MYLK4: variants seen among roughly 807,000 people sequenced by gnomAD.
The protein encoded by MYLK4 is myosin light chain kinase family member 4.
A neutral mutation model predicts 48.1 loss-of-function variants in MYLK4; 46 were observed. That is an observed-to-expected ratio of 0.96 (90% CI 0.75 to 1.22). The LOEUF is 1.22. Ranked by LOEUF, MYLK4 falls within the 50% of genes most tolerant of loss-of-function variation. The pLI is 0.00. For synonymous variants in MYLK4, 170 were observed against 180.8 expected (o/e 0.94, Z 0.48); for missense variants, 451 against 486.1 (o/e 0.93, Z 0.68).
chr6:2,760,932 A>C, the MYLK4 span, among the ~76,000 whole-genome samples: 1 of 152,218 alleles, frequency 6.6e-6, no homozygotes, highest in Non-Finnish European at 1.5e-5. Context: ...TAATCAGAGT[A>C]GGAAGAATAG....
chr6:2,756,682 C>T, the MYLK4 span, among the ~76,000 whole-genome samples: 1 of 152,194 alleles, frequency 6.6e-6, no homozygotes, highest in African/African-American at 2.4e-5. Flanking sequence ...CCCCCTCCCA[C>T]TGATACTTTA....
chr6:2,760,297 G>A, the MYLK4 span, among the ~76,000 whole-genome samples: 1 of 152,200 alleles, frequency 6.6e-6, no homozygotes, highest in Admixed American at 6.5e-5. Flanking sequence ...AGACACATGG[G>A]TGAGGGGCAG....
At chr6:2,687,729 A>G (rs1761613900) in intron 4 of MYLK4, among the ~76,000 whole-genome samples, 1 of 152,192 alleles carries the variant, frequency 6.6e-6, no homozygotes, top group African/African-American at 2.4e-5. Flanking sequence ...CAGGGCAAAG[A>G]AATACGGAGT....
chr6:2,735,750 C>A (rs1763648042), intron 2 of MYLK4, among the ~76,000 whole-genome samples: 1 of 152,132 alleles, frequency 6.6e-6, no homozygotes, highest in Non-Finnish European at 1.5e-5. Context: ...AAATTAGAAT[C>A]AACTGTGGTG....
At chr6:2,743,855 G>T in intron 2 of MYLK4, 1 of 398,282 alleles carries the variant, frequency 2.5e-6, no homozygotes, top group South Asian at 1.3e-4. Context: ...GGAAACATTC[G>T]AACAAAATGA....
rs1324141347 is a variant in MYLK4 at position 2,673,425 on chromosome 6, G to A, written c.1119+1622C>T. 6.6e-6 allele frequency among the ~76,000 whole-genome samples: 1 copy of A among 152,208 alleles called. No individual in the cohort carries two copies. Among genetic ancestry groups the A allele is most frequent in the Non-Finnish European group, 1.5e-5 (1 of 68,036 alleles). On this transcript the variant is annotated intron_variant, in intron 11 of 12. Coordinates refer to ENST00000274643, the MANE Select transcript of MYLK4 (RefSeq NM_001012418.5). This position sits in a 1 kb window ranked among gnomAD's most constrained non-coding sequence, Gnocchi z 4.2. ...TTAATTTCAATAAAAACTGGATGTG[G>A]AAAAAGTGAGTACCTAAGGCATAGT...
At chr6:2,766,093 GGACGAGGCGGAGGCGCAGGAGGAGGA>G in the MYLK4 span, 1 of 1,316,072 alleles carries the variant, frequency 7.6e-7, no homozygotes, top group Non-Finnish European at 9.6e-7. Context: ...CGCGCAGCTG[GGACGAGGCGGAGGCGCAGGAGGAGGA>G]GGAGGCCGTG....
At chr6:2,719,228 C>T (rs576180957) in intron 2 of MYLK4, among the ~76,000 whole-genome samples, 17 of 152,276 alleles carry the variant, frequency 1.1e-4, no homozygotes, top group African/African-American at 4.1e-4. Context: ...AAAAACACTC[C>T]CGTCAGCTTC....
chr6:2,721,900 G>A (rs537649618), intron 2 of MYLK4, among the ~76,000 whole-genome samples: 2 of 152,326 alleles, frequency 1.3e-5, no homozygotes, highest in Admixed American at 6.5e-5. Context: ...AACTATCAAT[G>A]TGTACATATA....
chr6:2,732,259 C>T (rs945391655), intron 2 of MYLK4, among the ~76,000 whole-genome samples: 14 of 152,180 alleles, frequency 9.2e-5, no homozygotes, highest in African/African-American at 3.4e-4. Context: ...CAGGCACAGT[C>T]CAAGCCTTTT....
rs144915326 is a variant in MYLK4, at chr6:2,675,049, G to A, written c.1117C>T (p.Gln373Ter). ...GAAGAGCAAGAAGCCGTGGTCACCT[G>A]GGCATTGAGTCTGGAGTGGAGCTTG... ...DHKLHSRLNA[Q>*]KKKNRGSDAQ... Residue 373 changes from glutamine to a stop codon, truncating the protein, a stop_gained and splice_region_variant, in exon 11 of 13, where the codon CAG becomes TAG. Transcript: ENST00000274643. LOFTEE classifies it high-confidence loss of function. 1.9e-6 allele frequency: 3 copies of A among 1,612,768 alleles called. No homozygotes were observed. Among genetic ancestry groups the A allele is most frequent in the East Asian group, 2.2e-5 (1 of 44,878 alleles).
rs1760883077 is a variant in MYLK4, at chr6:2,671,276, C to G, written c.*25G>C. ...CCTCTTCAGGAGACCCAAGACTAAC[C>G]TTCCAAATGGCTGCCTCCTGTAGAC... On this transcript the variant is annotated splice_region_variant and 3_prime_UTR_variant, in exon 12 of 13. Coordinates refer to ENST00000274643, the MANE Select transcript of MYLK4 (RefSeq NM_001012418.5). The G allele has an allele frequency of 6.2e-7, 1 of 1,611,308 alleles. No homozygotes were observed. The highest frequency in any genetic ancestry group is 1.7e-5 in the Admixed American group (1 of 59,970).
At chr6:2,724,737 T>C (rs1763196242) in intron 2 of MYLK4, among the ~76,000 whole-genome samples, 1 of 152,156 alleles carries the variant, frequency 6.6e-6, no homozygotes. Flanking sequence ...ATATTGTACA[T>C]AGCACAGCAA....
At chr6:2,681,577 T>C (rs1404339333) in intron 7 of MYLK4, among the ~76,000 whole-genome samples, 1 of 152,192 alleles carries the variant, frequency 6.6e-6, no homozygotes, top group East Asian at 1.9e-4. Flanking sequence ...GACGATAAAA[T>C]TAAACAATGT....
chr6:2,680,338 A>G (rs1335793550), intron 7 of MYLK4, 47 bp from the exon 8 acceptor site: 1 of 1,611,400 alleles, frequency 6.2e-7, no homozygotes, highest in Non-Finnish European at 8.5e-7. Context: ...ACCATCATTC[A>G]CTCAAATTGT....
At chr6:2,709,962 T>C (rs950687979) in intron 2 of MYLK4, among the ~76,000 whole-genome samples, 2 of 152,224 alleles carry the variant, frequency 1.3e-5, no homozygotes, top group Non-Finnish European at 2.9e-5. Flanking sequence ...ATATATTTTA[T>C]TAAAACAAGA....
intron 2 of MYLK4, among the ~76,000 whole-genome samples, chr6:2,736,087 A>G (rs1763665004): frequency 6.6e-6 from 1 of 152,218 alleles, no homozygotes; most frequent in Non-Finnish European, 1.5e-5. Context: ...CCCAAAGCAC[A>G]TCTCATAGCT....
intron 6 of MYLK4, among the ~76,000 whole-genome samples, chr6:2,683,392 TGTGTGTGTGTG>T (rs1761399689): frequency 3.5e-5 from 2 of 57,502 alleles, no homozygotes; most frequent in Admixed American, 1.5e-4. Flanking sequence ...CCCACCTTTT[TGTGTGTGTGTG>T]TGTGTGTGTG....
intron 12 of MYLK4, among the ~76,000 whole-genome samples, chr6:2,670,222 C>T (rs1335331221): frequency 1.3e-5 from 2 of 152,114 alleles, no homozygotes; most frequent in African/African-American, 4.8e-5. Flanking sequence ...AAAACTTAGC[C>T]TGGCGTGGTG....
Sources: gnomAD v4.1 joint callset for allele counts (sites outside exome capture counted in the v4.1 genomes callset) on GRCh38, gnomAD v4.1.1 for gene constraint, Gnocchi (gnomAD v3.1) non-coding constraint, MANE v1.5 for transcripts, NCBI Gene and HGNC (gene_info 2026-07-23, HGNC 2026-07-21) for gene names.